Variants in ITPRID1 observed in about 807,000 individuals in gnomAD.
The protein encoded by ITPRID1 is ITPR interacting domain containing 1.
ITPRID1 carries 96 observed loss-of-function variants against 95.4 expected under a neutral mutation model. That is an observed-to-expected ratio of 1.01 (90% CI 0.85 to 1.19). ITPRID1 has a LOEUF of 1.19. Ranked by LOEUF, ITPRID1 falls within the 50% of genes most tolerant of loss-of-function variation. The pLI, the probability that ITPRID1 is intolerant of heterozygous loss-of-function variation, is 0.00. For synonymous variants in ITPRID1, 510 were observed against 453.6 expected (o/e 1.12, Z -1.58); for missense variants, 1,339 against 1,252.9 (o/e 1.07, Z -1.04).
chr7:31,603,171 A>T (rs1786470518), intron 10 of ITPRID1, among the ~76,000 whole-genome samples: 1 of 152,102 alleles, frequency 6.6e-6, no homozygotes, highest in Admixed American at 6.5e-5. Context: ...GCCAGGAGGC[A>T]ATCAATCAGA....
At chr7:31,603,154 T>G (rs1442644098) in intron 10 of ITPRID1, among the ~76,000 whole-genome samples, 1 of 152,160 alleles carries the variant, frequency 6.6e-6, no homozygotes. Flanking sequence ...GGAAAACTCC[T>G]GTCTTGGCCA....
chr7:31,610,889 A>G (rs1171400963), intron 10 of ITPRID1, among the ~76,000 whole-genome samples: 1 of 151,378 alleles, frequency 6.6e-6, no homozygotes, highest in Non-Finnish European at 1.5e-5. Flanking sequence ...ATGTAGTTAG[A>G]TTATGTTTTA....
chr7:31,540,738 A>G (rs1783906815), intron 1 of ITPRID1, among the ~76,000 whole-genome samples: 1 of 152,220 alleles, frequency 6.6e-6, no homozygotes, highest in Non-Finnish European at 1.5e-5. Flanking sequence ...TTGTACCATC[A>G]AATACCTATA....
At chr7:31,592,568 A>G (rs897010289) in intron 10 of ITPRID1, among the ~76,000 whole-genome samples, 2 of 152,228 alleles carry the variant, frequency 1.3e-5, no homozygotes, top group Non-Finnish European at 2.9e-5. Flanking sequence ...GGGTGGTTTC[A>G]TGATGAAACT....
intron 12 of ITPRID1, 34 bp from the exon 13 acceptor site, chr7:31,651,108 G>A (rs1318755371): frequency 6.2e-7 from 1 of 1,602,206 alleles, no homozygotes; most frequent in South Asian, 1.1e-5. Context: ...GATCAGAGAG[G>A]ACTTTCTTCT....
intron 1 of ITPRID1, among the ~76,000 whole-genome samples, chr7:31,544,265 T>G (rs1055276061): frequency 7.9e-5 from 12 of 152,138 alleles, no homozygotes; most frequent in African/African-American, 2.9e-4. Context: ...TGACCAGTTA[T>G]TTTTAAAGAT....
At chr7:31,605,778 A>G (rs1786595491) in intron 10 of ITPRID1, among the ~76,000 whole-genome samples, 1 of 152,222 alleles carries the variant, frequency 6.6e-6, no homozygotes, top group African/African-American at 2.4e-5. Context: ...AGTTGAAGCC[A>G]GAGGTGAGGC....
chr7:31,558,873 G>T (rs560322591), intron 5 of ITPRID1, among the ~76,000 whole-genome samples: 3 of 152,256 alleles, frequency 2.0e-5, no homozygotes, highest in South Asian at 2.1e-4. Flanking sequence ...AGAAAAGAAT[G>T]CTCTCTAAAT....
At chr7:31,553,788 T>C (rs889296854) in intron 3 of ITPRID1, among the ~76,000 whole-genome samples, 3 of 152,140 alleles carry the variant, frequency 2.0e-5, no homozygotes, top group South Asian at 2.1e-4. Flanking sequence ...CACTATTTGA[T>C]AGGATAAAGT....
At chr7:31,564,095 A>G (rs775137384) in intron 5 of ITPRID1, among the ~76,000 whole-genome samples, 5 of 152,220 alleles carry the variant, frequency 3.3e-5, no homozygotes, top group Non-Finnish European at 7.3e-5. Flanking sequence ...TCAGTCAGAA[A>G]TGCTTAGGAA....
rs1562543198 is a variant in ITPRID1, at chr7:31,519,640, AT to A, written c.-98+5521del. On this transcript the variant is annotated intron_variant, in intron 1 of 14. Coordinates refer to ENST00000615280, the MANE Select transcript of ITPRID1 (RefSeq NM_001257967.3). ...TCTCTCTATATATATATATATATAT[AT>A]ATATAAATCTTATGTTATCCTGCTG... is the stretch of plus-strand genomic sequence containing the variant. Among the ~76,000 whole-genome samples the A allele has an allele frequency of 7.9e-4, 104 of 132,298 alleles. 1 individual carries two copies. The highest frequency in any genetic ancestry group is 2.8e-3 in the African/African-American group (99 of 35,750). The allele number at this position is 132,298 out of a possible 152,430, so 86.8% of individuals were successfully genotyped here. A position where few individuals can be genotyped will look rare whatever the true frequency, so the allele number is the denominator to read the frequency against.
intron 1 of ITPRID1, among the ~76,000 whole-genome samples, chr7:31,522,156 C>T (rs545469621): frequency 9.2e-5 from 14 of 152,124 alleles, no homozygotes; most frequent in African/African-American, 3.4e-4. Context: ...AGTTGTTTTT[C>T]ATATTTCTCC....
At chr7:31,539,377 G>A (rs527327781) in intron 1 of ITPRID1, among the ~76,000 whole-genome samples, 3 of 152,050 alleles carry the variant, frequency 2.0e-5, no homozygotes, top group African/African-American at 4.8e-5. Flanking sequence ...TAGAGATGAG[G>A]TTTCACCATG....
At chr7:31,599,984 C>T (rs1043335549) in intron 10 of ITPRID1, among the ~76,000 whole-genome samples, 4 of 152,094 alleles carry the variant, frequency 2.6e-5, no homozygotes, top group Non-Finnish European at 4.4e-5. Flanking sequence ...AGGCGTGAGC[C>T]ACCGCACCCA....
intron 10 of ITPRID1, among the ~76,000 whole-genome samples, chr7:31,616,184 G>GTTAATATA (rs1272021169): frequency 7.1e-6 from 1 of 140,568 alleles, no homozygotes; most frequent in Non-Finnish European, 1.5e-5. Flanking sequence ...ATTATGATTT[G>GTTAATATA]TTAATATATT....
intron 7 of ITPRID1, 46 bp downstream of exon 7, chr7:31,572,234 C>A (rs763784331): frequency 5.0e-6 from 6 of 1,210,342 alleles, no homozygotes; most frequent in East Asian, 2.4e-5. Flanking sequence ...TCATTCTGTG[C>A]AACAATGGAT....
chr7:31,558,036 C>T (rs1037528157), intron 5 of ITPRID1, among the ~76,000 whole-genome samples: 1 of 152,046 alleles, frequency 6.6e-6, no homozygotes, highest in Non-Finnish European at 1.5e-5. Context: ...GGTTTAATGC[C>T]CTTATCCTGG....
chr7:31,558,390 C>T (rs1457869451), intron 5 of ITPRID1, among the ~76,000 whole-genome samples: 3 of 152,312 alleles, frequency 2.0e-5, no homozygotes, highest in East Asian at 3.9e-4. Context: ...CTTCTCCCTC[C>T]AGGCCTTCTG....
chr7:31,628,685 T>A (rs1788713028), intron 10 of ITPRID1, among the ~76,000 whole-genome samples: 1 of 152,060 alleles, frequency 6.6e-6, no homozygotes, highest in South Asian at 2.1e-4. Flanking sequence ...CTCAATCTCC[T>A]GACCTTGTGA....
Sources: allele counts gnomAD v4.1 joint callset (sites outside exome capture counted in the v4.1 genomes callset), GRCh38; gene constraint gnomAD v4.1.1; transcripts MANE v1.5; gene names NCBI Gene and HGNC (gene_info 2026-07-23, HGNC 2026-07-21).